PPFIA2: variants seen among roughly 807,000 people sequenced by gnomAD.
PPFIA2 encodes PPFI scaffold protein A2, also known as liprin-alpha-2.
Under a neutral mutation model 175.5 loss-of-function variants are expected in PPFIA2, and 46 were observed. That is an observed-to-expected ratio of 0.26 (90% confidence interval 0.21 to 0.34). The LOEUF (loss-of-function observed/expected upper bound fraction) is 0.34, where lower values mean the gene tolerates loss of function less well. Among genes scored for constraint, PPFIA2 ranks in the 10% least tolerant of loss-of-function variants. The probability of loss-of-function intolerance (pLI) is 1.00; values close to 1 mark genes in which losing one functional copy is unlikely to be tolerated. For missense variants in PPFIA2, 1,179 were observed against 1,506.1 expected (o/e 0.78, Z 3.60); for synonymous variants, 568 against 511.4 (o/e 1.11, Z -1.49).
intron 4 of PPFIA2, among the ~76,000 whole-genome samples, chr12:81,466,814 C>T (rs1358304763): frequency 6.7e-6 from 1 of 150,070 alleles, no homozygotes; most frequent in Non-Finnish European, 1.5e-5. Flanking sequence ...TTCTGTGGGC[C>T]CTAGTCACAT....
chr12:81,631,828 T>C (rs961295753), intron 4 of PPFIA2, among the ~76,000 whole-genome samples: 2 of 152,214 alleles, frequency 1.3e-5, no homozygotes, highest in African/African-American at 4.8e-5. Flanking sequence ...GTAATCATCA[T>C]ATTTTCCTCA....
intron 4 of PPFIA2, among the ~76,000 whole-genome samples, chr12:81,525,157 T>C (rs2063589674): frequency 6.6e-6 from 1 of 152,148 alleles, no homozygotes; most frequent in African/African-American, 2.4e-5. Context: ...CTCTACCCCT[T>C]TAGATAGAGT....
rs952264968 is a variant in PPFIA2 at position 81,283,473 on chromosome 12, G to A, written c.2989-434C>T. On this transcript the variant is annotated intron_variant, in intron 25 of 32. Coordinates refer to ENST00000549396, the MANE Select transcript of PPFIA2 (RefSeq NM_003625.5). ...AACAAAGCTTTGTGATAATCAAATC[G>A]ATTTCAACAACAGCCAACAAAACAA... Among the ~76,000 whole-genome samples the A allele has an allele frequency of 5.3e-5, 8 of 151,764 alleles. No individual in the cohort carries two copies. In the South Asian group the frequency reaches 1.2e-3, roughly 24 times the overall value.
chr12:81,563,735 T>C (rs952267188), intron 4 of PPFIA2, among the ~76,000 whole-genome samples: 3 of 152,194 alleles, frequency 2.0e-5, no homozygotes, highest in African/African-American at 7.2e-5. Context: ...TCTATGATGA[T>C]ACACTAGTCA....
chr12:81,731,031 G>C (rs2080828859), intron 3 of PPFIA2, among the ~76,000 whole-genome samples: 1 of 151,568 alleles, frequency 6.6e-6, no homozygotes, highest in Non-Finnish European at 1.5e-5. Context: ...TGCCATCCTG[G>C]TACTGCTGCT....
chr12:81,368,698 T>C (rs150406721), intron 13 of PPFIA2, 27 bp downstream of exon 13: 28,331 of 1,589,518 alleles, frequency 0.018, 324 homozygotes, highest in South Asian at 0.033. Context: ...AAAATATTCA[T>C]GTGATTTTAC....
At chr12:81,678,301 G>A (rs1272199177) in intron 3 of PPFIA2, among the ~76,000 whole-genome samples, 2 of 151,802 alleles carry the variant, frequency 1.3e-5, no homozygotes, top group African/African-American at 4.8e-5. Context: ...GAGGACTTAT[G>A]CTACTAATTC....
At chr12:81,613,883 G>A (rs1332292201) in intron 4 of PPFIA2, among the ~76,000 whole-genome samples, 1 of 152,086 alleles carries the variant, frequency 6.6e-6, no homozygotes, top group African/African-American at 2.4e-5. Flanking sequence ...ATAGTCTTGA[G>A]AATTAGAAAA....
intron 24 of PPFIA2, chr12:81,294,616 A>G (rs2046035413): frequency 7.1e-6 from 4 of 562,468 alleles, no homozygotes; most frequent in African/African-American, 3.8e-5. Context: ...TGCTAGCTCA[A>G]AAGTCTGCTA....
At chr12:81,619,272 T>C (rs17008788) in intron 4 of PPFIA2, among the ~76,000 whole-genome samples, 9,280 of 152,292 alleles carry the variant, frequency 0.061, 410 homozygotes, top group East Asian at 0.22. Flanking sequence ...CTCAAGTGAT[T>C]AGTGAAATAG....
At chr12:81,581,750 A>G (rs2074442987) in intron 4 of PPFIA2, among the ~76,000 whole-genome samples, 1 of 151,314 alleles carries the variant, frequency 6.6e-6, no homozygotes, top group African/African-American at 2.4e-5. Flanking sequence ...AAACAAACAA[A>G]CAAAAACAAC....
At chr12:81,731,603 T>G (rs1730407812) in intron 3 of PPFIA2, among the ~76,000 whole-genome samples, 1 of 151,626 alleles carries the variant, frequency 6.6e-6, no homozygotes. Context: ...TATATAAGGT[T>G]GAAATAGTAT....
chr12:81,290,305 C>T (rs2044575001), intron 24 of PPFIA2, among the ~76,000 whole-genome samples: 1 of 150,816 alleles, frequency 6.6e-6, no homozygotes, highest in African/African-American at 2.4e-5. Flanking sequence ...AATTCTAATA[C>T]ATAATGTTAG....
At chr12:81,535,250 G>A (rs1045932447) in intron 4 of PPFIA2, among the ~76,000 whole-genome samples, 1 of 151,690 alleles carries the variant, frequency 6.6e-6, no homozygotes, top group African/African-American at 2.4e-5. Flanking sequence ...AAGGGCAATG[G>A]ACAGCAGAGC....
intron 7 of PPFIA2, among the ~76,000 whole-genome samples, chr12:81,416,198 A>G (rs2045224463): frequency 6.6e-6 from 1 of 151,624 alleles, no homozygotes; most frequent in African/African-American, 2.4e-5. Flanking sequence ...GAAAGAATTA[A>G]TCCAGAGAAT....
chr12:81,558,875 G>A (rs1594925230), intron 4 of PPFIA2, among the ~76,000 whole-genome samples: 1 of 152,232 alleles, frequency 6.6e-6, no homozygotes, highest in East Asian at 1.9e-4. Context: ...TGGCATTAGT[G>A]TCATTTCTAG....
chr12:81,292,737 G>C (rs571723497), intron 24 of PPFIA2: 1 of 152,056 alleles, frequency 6.6e-6, no homozygotes, highest in Admixed American at 6.6e-5. Context: ...TTTTTTGACT[G>C]TGTGTGGGGG....
At chr12:81,741,018 G>T (rs1184514420) in intron 3 of PPFIA2, among the ~76,000 whole-genome samples, 1 of 152,000 alleles carries the variant, frequency 6.6e-6, no homozygotes, top group Non-Finnish European at 1.5e-5. Context: ...CTTAGTTTAA[G>T]AAATAAATTC....
intron 4 of PPFIA2, among the ~76,000 whole-genome samples, chr12:81,474,753 GTTA>G (rs976171914): frequency 1.4e-4 from 21 of 152,032 alleles, no homozygotes; most frequent in Middle Eastern, 3.2e-3. Context: ...AGCAAAAATT[GTTA>G]TTATTTCTAA....
Sources: allele counts gnomAD v4.1 joint callset (sites outside exome capture counted in the v4.1 genomes callset), GRCh38; gene constraint gnomAD v4.1.1; transcripts MANE v1.5; gene names NCBI Gene and HGNC (gene_info 2026-07-23, HGNC 2026-07-21).